DPP6: variants seen among roughly 807,000 people sequenced by gnomAD.
The protein encoded by DPP6 is A-type potassium channel modulatory protein DPP6.
In DPP6, 69 loss-of-function variants were observed where a neutral mutation model predicts 122.6. The ratio of observed to expected loss-of-function variants is 0.56; its 90% CI spans 0.46 to 0.69. The LOEUF is 0.69. Ranked by LOEUF, DPP6 falls within the 30% of genes least tolerant of loss-of-function variation. DPP6 has a pLI of 0.00. For missense variants in DPP6, 928 were observed against 1,116.9 expected (o/e 0.83, Z 2.41); for synonymous variants, 418 against 433.1 (o/e 0.97, Z 0.43).
chr7:154,254,941 GTATTTCCTTTGC>G (rs1231565427), intron 1 of DPP6, among the ~76,000 whole-genome samples: 4 of 152,038 alleles, frequency 2.6e-5, no homozygotes, highest in Non-Finnish European at 5.9e-5. Context: ...AACGCAAATT[GTATTTCCTTTGC>G]AATTTGCAAA....
At chr7:154,528,489 T>A (rs1827587678) in intron 3 of DPP6, among the ~76,000 whole-genome samples, 1 of 152,192 alleles carries the variant, frequency 6.6e-6, no homozygotes, top group Non-Finnish European at 1.5e-5. Context: ...GTTCTCGTCA[T>A]TGTTTTGTAT....
At chr7:153,960,805 T>C (rs1194740629) in intron 1 of DPP6, among the ~76,000 whole-genome samples, 1 of 149,454 alleles carries the variant, frequency 6.7e-6, no homozygotes, top group Non-Finnish European at 1.5e-5. Context: ...CCCTGCTGTG[T>C]CACTGGGTGA....
intron 3 of DPP6, among the ~76,000 whole-genome samples, chr7:154,540,174 C>T (rs1172629386): frequency 6.6e-6 from 1 of 152,218 alleles, no homozygotes; most frequent in Non-Finnish European, 1.5e-5. Flanking sequence ...TACAGATTTA[C>T]TCCAAAGTTG....
At chr7:154,029,933 C>T (rs748802762) in intron 1 of DPP6, among the ~76,000 whole-genome samples, 2 of 152,122 alleles carry the variant, frequency 1.3e-5, no homozygotes, top group African/African-American at 4.8e-5. Context: ...CGGTGGCTCA[C>T]GCCTGTAATC....
intron 2 of DPP6, among the ~76,000 whole-genome samples, chr7:154,471,884 T>C (rs1563724351): frequency 1.3e-5 from 2 of 152,170 alleles, no homozygotes; most frequent in Non-Finnish European, 2.9e-5. Context: ...TTTAGATATA[T>C]TAGATATTAA....
At chr7:154,597,647 G>A (rs1833180303) in intron 5 of DPP6, among the ~76,000 whole-genome samples, 1 of 151,846 alleles carries the variant, frequency 6.6e-6, no homozygotes. Flanking sequence ...ACTTTGCTAG[G>A]GCTGTCGTAA....
chr7:154,409,308 A>G (rs979273085), intron 1 of DPP6, among the ~76,000 whole-genome samples: 16 of 152,198 alleles, frequency 1.1e-4, no homozygotes, highest in Admixed American at 1.0e-3. Context: ...CAGAGAAAAG[A>G]CCATGAAAGT....
At chr7:154,573,507 C>T (rs1368435333) in intron 5 of DPP6, among the ~76,000 whole-genome samples, 2 of 152,226 alleles carry the variant, frequency 1.3e-5, no homozygotes, top group African/African-American at 4.8e-5. Flanking sequence ...GCATCCTGCA[C>T]CCATCAGCAT....
intron 1 of DPP6, among the ~76,000 whole-genome samples, chr7:154,132,109 A>G (rs896532519): frequency 6.6e-6 from 1 of 152,082 alleles, no homozygotes; most frequent in Non-Finnish European, 1.5e-5. Flanking sequence ...GTTGAATTCT[A>G]GGTCTTAGTG....
At chr7:154,477,615 G>A (rs1169182394) in intron 3 of DPP6, among the ~76,000 whole-genome samples, 1 of 152,148 alleles carries the variant, frequency 6.6e-6, no homozygotes, top group Non-Finnish European at 1.5e-5. Context: ...ATGGTATAAG[G>A]AGTTTGATTT....
chr7:154,430,971 G>A (rs1818307819), intron 1 of DPP6, among the ~76,000 whole-genome samples: 1 of 152,160 alleles, frequency 6.6e-6, no homozygotes, highest in South Asian at 2.1e-4. Flanking sequence ...TAGGCTCCAC[G>A]GTGCTAGAGA....
chr7:154,392,943 A>C (rs962278070), intron 1 of DPP6, among the ~76,000 whole-genome samples: 3 of 152,236 alleles, frequency 2.0e-5, no homozygotes, highest in African/African-American at 7.2e-5. Flanking sequence ...AGAGCTACTT[A>C]AAAGAGAATT....
intron 1 of DPP6, among the ~76,000 whole-genome samples, chr7:153,999,974 A>C (rs1205680350): frequency 2.0e-5 from 3 of 150,500 alleles, no homozygotes; most frequent in Non-Finnish European, 4.5e-5. Flanking sequence ...GAAAGAAAGA[A>C]AGAAAGAAAA....
chr7:154,734,713 G>T (rs768972528), intron 8 of DPP6, among the ~76,000 whole-genome samples: 1 of 152,204 alleles, frequency 6.6e-6, no homozygotes, highest in Non-Finnish European at 1.5e-5. Flanking sequence ...TTGTGGAAGA[G>T]CAGGGCAGAG....
At chr7:154,478,476 A>G (rs1822951038) in intron 3 of DPP6, among the ~76,000 whole-genome samples, 1 of 152,144 alleles carries the variant, frequency 6.6e-6, no homozygotes, top group Non-Finnish European at 1.5e-5. Flanking sequence ...TAACATCATC[A>G]TCAAGATCAT....
the DPP6 span, among the ~76,000 whole-genome samples, chr7:153,856,673 A>G: frequency 6.6e-6 from 1 of 152,134 alleles, no homozygotes; most frequent in African/African-American, 2.4e-5. Flanking sequence ...CTATAAACAC[A>G]CCTGCCCCAT....
chr7:154,764,592 G>C (rs1795787090), intron 8 of DPP6, among the ~76,000 whole-genome samples: 1 of 152,116 alleles, frequency 6.6e-6, no homozygotes, highest in South Asian at 2.1e-4. Flanking sequence ...GGTGTTGGAG[G>C]ACAATGAGCA....
chr7:154,465,862 T>C (rs1236721805), intron 2 of DPP6, among the ~76,000 whole-genome samples: 4 of 152,220 alleles, frequency 2.6e-5, no homozygotes, highest in African/African-American at 9.6e-5. Flanking sequence ...ACTGGGTATA[T>C]ACCCAAAGGG....
At chr7:154,603,526 C>T (rs142438669) in intron 5 of DPP6, among the ~76,000 whole-genome samples, 1,985 of 113,844 alleles carry the variant, frequency 0.017, 555 homozygotes, top group Non-Finnish European at 0.028. Flanking sequence ...AAAAATTAGC[C>T]GAGCTAATAA....
Sources: gnomAD v4.1 joint callset for allele counts (sites outside exome capture counted in the v4.1 genomes callset) on GRCh38, gnomAD v4.1.1 for gene constraint, MANE v1.5 for transcripts, NCBI Gene and HGNC (gene_info 2026-07-23, HGNC 2026-07-21) for gene names.